TF: variants seen among roughly 807,000 people sequenced by gnomAD.
TF encodes the protein serotransferrin.
TF carries 55 observed loss-of-function variants against 82.4 expected under a neutral mutation model. The observed-to-expected ratio is 0.67, with a 90% CI of 0.54 to 0.84. The LOEUF is 0.84. Ranked by LOEUF, TF falls within the 40% of genes least tolerant of loss-of-function variation. The pLI is 0.00. For synonymous variants in TF, 332 were observed against 332.6 expected (o/e 1.00, Z 0.02); for missense variants, 737 against 868.4 (o/e 0.85, Z 1.90).
the TF span, among the ~76,000 whole-genome samples, chr3:133,682,869 A>G: frequency 0.018 from 2,715 of 152,204 alleles, 34 homozygotes; most frequent in Middle Eastern, 0.099. Context: ...CCACAAAGAT[A>G]CTCCTCAAGA....
In TF at chr3:133,777,160, G is replaced by C; in HGVS notation, c.1984G>C (p.Asp662His). 2 of 1,614,166 alleles carry C rather than the reference G, an allele frequency of 1.2e-6. No homozygotes were observed. The highest frequency in any genetic ancestry group is 1.7e-6 in the Non-Finnish European group (2 of 1,180,040). Residue 662 changes from aspartate to histidine, a missense_variant, in exon 16 of 17, where the codon GAC becomes CAC. Transcript: ENST00000402696. The stretch of plus-strand genomic sequence containing the variant: ...CACAGTATGTTTGGCCAAACTTCAT[G>C]ACAGAAACACATATGAAAAATACTT... ...DDTVCLAKLH[D>H]RNTYEKYLGE...
chr3:133,722,715 CTTT>C, the TF span, among the ~76,000 whole-genome samples: 2 of 152,152 alleles, frequency 1.3e-5, no homozygotes, highest in Non-Finnish European at 2.9e-5. Flanking sequence ...TAATTTACTT[CTTT>C]ATCTATGATG....
At chr3:133,722,711 ACTT>A in the TF span, among the ~76,000 whole-genome samples, 1 of 152,006 alleles carries the variant, frequency 6.6e-6, no homozygotes, top group African/African-American at 2.4e-5. Flanking sequence ...GCCCTAATTT[ACTT>A]CTTTATCTAT....
chr3:133,745,371 T>G (rs1452173159), upstream of TF, among the ~76,000 whole-genome samples: 1 of 152,240 alleles, frequency 6.6e-6, no homozygotes, highest in Non-Finnish European at 1.5e-5. Flanking sequence ...TGCCTTGAGA[T>G]AATAATCCTG....
At chr3:133,707,072 T>A in the TF span, among the ~76,000 whole-genome samples, 1 of 152,126 alleles carries the variant, frequency 6.6e-6, no homozygotes, top group Non-Finnish European at 1.5e-5. Flanking sequence ...GAAACTGCAA[T>A]GATACACAAA....
intron 2 of TF, among the ~76,000 whole-genome samples, chr3:133,750,106 A>T (rs1038358113): frequency 6.6e-6 from 1 of 152,206 alleles, no homozygotes; most frequent in African/African-American, 2.4e-5. Context: ...CAAGAGATAC[A>T]TATTCACAGT....
the TF span, among the ~76,000 whole-genome samples, chr3:133,682,090 G>T: frequency 6.6e-6 from 1 of 152,126 alleles, no homozygotes; most frequent in Non-Finnish European, 1.5e-5. Flanking sequence ...AGGCAAACAG[G>T]GTCTGGAGTG....
chr3:133,722,612 A>C, the TF span, among the ~76,000 whole-genome samples: 65 of 152,250 alleles, frequency 4.3e-4, no homozygotes, highest in Non-Finnish European at 7.9e-4. Flanking sequence ...TCAGTCTTGT[A>C]AGTATAATAG....
intron 12 of TF, 23 bp from the exon 13 acceptor site, chr3:133,768,006 C>T (rs779257411): frequency 5.0e-6 from 8 of 1,614,020 alleles, no homozygotes; most frequent in Non-Finnish European, 6.8e-6. Flanking sequence ...GAAAAGCTGA[C>T]TTCCTCTTGT....
the TF span, among the ~76,000 whole-genome samples, chr3:133,680,290 C>T: frequency 4.6e-5 from 7 of 152,024 alleles, no homozygotes; most frequent in African/African-American, 9.7e-5. Context: ...ACTGCAGTCT[C>T]GACCTCCTGG....
intron 13 of TF, among the ~76,000 whole-genome samples, chr3:133,770,020 C>T (rs1435935072): frequency 6.6e-6 from 1 of 152,008 alleles, no homozygotes; most frequent in Middle Eastern, 3.2e-3. Flanking sequence ...TTCTCAAAAA[C>T]AAAAACAAAA....
chr3:133,738,803 TA>T, the TF span, among the ~76,000 whole-genome samples: 2 of 152,018 alleles, frequency 1.3e-5, no homozygotes, highest in Admixed American at 1.3e-4. Context: ...ACTGCTCAAC[TA>T]AATAACAGAG....
At chr3:133,775,344 T>C in intron 14 of TF, 89 bp from the exon 15 acceptor site, 1 of 1,399,888 alleles carries the variant, frequency 7.1e-7, no homozygotes, top group Non-Finnish European at 1.0e-6. Context: ...AAGGCCCAGG[T>C]TCTCTACACA....
the TF span, among the ~76,000 whole-genome samples, chr3:133,736,758 A>G: frequency 6.6e-6 from 1 of 152,160 alleles, no homozygotes; most frequent in Non-Finnish European, 1.5e-5. Context: ...CAATGCAACA[A>G]GAAGAGCTAA....
chr3:133,676,516 C>T, the TF span, among the ~76,000 whole-genome samples: 2 of 152,070 alleles, frequency 1.3e-5, no homozygotes, highest in African/African-American at 2.4e-5. Context: ...GGTTCTGTCA[C>T]GTCTGAGGCT....
chr3:133,688,839 A>T, the TF span, among the ~76,000 whole-genome samples: 521 of 152,308 alleles, frequency 3.4e-3, 1 homozygote, highest in African/African-American at 0.012. Context: ...ATCAAGAGAA[A>T]TGTTGCTATA....
At chr3:133,719,906 T>A in the TF span, among the ~76,000 whole-genome samples, 3 of 152,182 alleles carry the variant, frequency 2.0e-5, no homozygotes, top group African/African-American at 7.2e-5. Flanking sequence ...TTTTTTAGTT[T>A]ATTATTAGCG....
At chr3:133,736,141 G>A in the TF span, among the ~76,000 whole-genome samples, 3 of 152,272 alleles carry the variant, frequency 2.0e-5, no homozygotes, top group Admixed American at 6.5e-5. Context: ...AGAGAGGGGA[G>A]CCAATATTCA....
At chr3:133,719,041 G>A in the TF span, among the ~76,000 whole-genome samples, 4 of 152,286 alleles carry the variant, frequency 2.6e-5, no homozygotes, top group East Asian at 5.8e-4. Context: ...TTCCACCTAA[G>A]TGTCATAACA....
Sources: gnomAD v4.1 joint callset for allele counts (sites outside exome capture counted in the v4.1 genomes callset) on GRCh38, gnomAD v4.1.1 for gene constraint, MANE v1.5 for transcripts, NCBI Gene and HGNC (gene_info 2026-07-23, HGNC 2026-07-21) for gene names.